The following NTRK3 variants were observed in gnomAD, a reference collection of about 807,000 sequenced individuals.
The protein encoded by NTRK3 is NT-3 growth factor receptor.
NTRK3 carries 24 observed loss-of-function variants against 91.7 expected under a neutral mutation model. The ratio of observed to expected loss-of-function variants is 0.26; its 90% CI spans 0.19 to 0.37. The LOEUF (loss-of-function observed/expected upper bound fraction) is 0.37, where lower values mean the gene tolerates loss of function less well. Among genes scored for constraint, NTRK3 ranks in the 10% least tolerant of loss-of-function variants. The probability of loss-of-function intolerance (pLI) is 1.00; values close to 1 mark genes in which losing one functional copy is unlikely to be tolerated. For missense variants in NTRK3, 880 were observed against 1,068.9 expected (o/e 0.82, Z 2.46); for synonymous variants, 483 against 404.0 (o/e 1.20, Z -2.34).
chr15:87,864,744 CCAGCAAAAATTTAAGGAAGATATGCCT>C (rs1302837493), exon 19 of NTRK3: 3 of 229,544 alleles, frequency 1.3e-5, no homozygotes, highest in Non-Finnish European at 1.7e-5. Context: ...AAAACAGACA[CCAGCAAAAATTTAAGGAAGATATGCCT>C]CAAAACACGT....
intron 3 of NTRK3, among the ~76,000 whole-genome samples, chr15:88,212,700 T>TCACACACACACACA (rs60620542): frequency 6.8e-5 from 10 of 146,116 alleles, no homozygotes; most frequent in African/African-American, 2.1e-4. Context: ...GGCTGCTGCA[T>TCACACACACACACA]CACACACACA....
At chr15:88,124,292 G>C (rs1359817060) in intron 13 of NTRK3, among the ~76,000 whole-genome samples, 1 of 152,180 alleles carries the variant, frequency 6.6e-6, no homozygotes, top group African/African-American at 2.4e-5. Context: ...CCAGGGCCAA[G>C]AAAGGAAGGT....
In NTRK3 at chr15:88,243,739, T is replaced by C. The variant is rs2052581420; in HGVS notation, c.248+12167A>G. 6.6e-6 allele frequency among the ~76,000 whole-genome samples: 1 copy of C among 152,096 alleles called. No individual in the cohort carries two copies. The highest frequency in any genetic ancestry group is 1.5e-5 in the Non-Finnish European group (1 of 68,034). On this transcript the variant is annotated intron_variant, in intron 3 of 18. Transcript: ENST00000394480. This position sits in a 1 kb window ranked among gnomAD's most constrained non-coding sequence, Gnocchi z 4.8. ...ACCAGATAGACTGTATGAAAGCATG[T>C]CAAAAAGAGTGGTGCCCCAGGAAAA...
intron 15 of NTRK3, among the ~76,000 whole-genome samples, chr15:87,933,560 C>T (rs2068995672): frequency 6.6e-6 from 1 of 152,240 alleles, no homozygotes; most frequent in Non-Finnish European, 1.5e-5. Context: ...AACTGTCCCA[C>T]AGCTGGAATA....
At chr15:88,066,297 A>G (rs776865534) in intron 13 of NTRK3, among the ~76,000 whole-genome samples, 5 of 152,176 alleles carry the variant, frequency 3.3e-5, no homozygotes, top group Non-Finnish European at 7.3e-5. Flanking sequence ...ATGACAGTAG[A>G]TATCTCTCCC....
At chr15:88,140,579 C>A (rs1312993092) in intron 6 of NTRK3, among the ~76,000 whole-genome samples, 1 of 152,170 alleles carries the variant, frequency 6.6e-6, no homozygotes, top group Admixed American at 6.5e-5. Flanking sequence ...TCAGTATCTA[C>A]CAATTAGAAA....
intron 14 of NTRK3, among the ~76,000 whole-genome samples, chr15:87,956,763 G>C (rs1015464722): frequency 1.3e-5 from 2 of 150,474 alleles, no homozygotes; most frequent in African/African-American, 4.9e-5. Context: ...GTAGAGATGG[G>C]GTTTCGCCAT....
intron 14 of NTRK3, among the ~76,000 whole-genome samples, chr15:87,990,367 C>G (rs2075191853): frequency 6.6e-6 from 1 of 152,218 alleles, no homozygotes; most frequent in Non-Finnish European, 1.5e-5. Context: ...CCCTCCAGAG[C>G]TAAATTCCTG....
intron 11 of NTRK3, among the ~76,000 whole-genome samples, chr15:88,127,600 G>A (rs930535460): frequency 6.6e-6 from 1 of 152,222 alleles, no homozygotes; most frequent in East Asian, 1.9e-4. Context: ...TTAGGCAAAT[G>A]TTACTGGTGG....
At chr15:88,065,250 C>A (rs1251886991) in intron 13 of NTRK3, among the ~76,000 whole-genome samples, 4 of 152,200 alleles carry the variant, frequency 2.6e-5, no homozygotes, top group Admixed American at 1.3e-4. Context: ...GTCCTACCCA[C>A]CACCAGGAGC....
intron 17 of NTRK3, among the ~76,000 whole-genome samples, chr15:87,904,413 C>T (rs1039308132): frequency 6.6e-6 from 1 of 152,166 alleles, no homozygotes; most frequent in African/African-American, 2.4e-5. Flanking sequence ...GCCTCGGCCT[C>T]CCAAAGTGCT....
chr15:87,881,369 G>A (rs1325093811), intron 17 of NTRK3, among the ~76,000 whole-genome samples: 3 of 152,100 alleles, frequency 2.0e-5, no homozygotes, highest in Non-Finnish European at 4.4e-5. Context: ...ATTTATGTCC[G>A]GATGAGGTAT....
At chr15:87,923,054 C>T (rs2068005943) in intron 17 of NTRK3, among the ~76,000 whole-genome samples, 1 of 152,188 alleles carries the variant, frequency 6.6e-6, no homozygotes, top group African/African-American at 2.4e-5. Context: ...TCTCCACATT[C>T]AGAGTAGCAA....
chr15:87,928,819 G>C (rs1334832199), intron 17 of NTRK3: 3 of 410,912 alleles, frequency 7.3e-6, no homozygotes. Flanking sequence ...GACTGGGTAG[G>C]GAGACATTAA....
rs1439312228 is a variant in NTRK3 at position 88,233,360 on chromosome 15, A to T, written c.248+22546T>A. 6.6e-6 allele frequency among the ~76,000 whole-genome samples: 1 copy of T among 152,134 alleles called. No individual in the cohort carries two copies. Among genetic ancestry groups the T allele is most frequent in the Non-Finnish European group, 1.5e-5 (1 of 68,020 alleles). On this transcript the variant is annotated intron_variant, in intron 3 of 18. Transcript: ENST00000394480. The surrounding 1 kb of genome is among the most constrained non-coding windows in gnomAD (Gnocchi z 4.2). ...TGCAGTGGTGGCTGGGGGTCTTATTATCTGTCCATATCCTTCCCTCCCTGT... is the reference window on the plus strand; with the variant it reads ...TGCAGTGGTGGCTGGGGGTCTTATTTTCTGTCCATATCCTTCCCTCCCTGT...
intron 17 of NTRK3, chr15:87,916,481 T>C (rs1596237001): frequency 1.4e-6 from 1 of 701,818 alleles, no homozygotes; most frequent in Non-Finnish European, 2.6e-6. Context: ...AATATAAGCA[T>C]GCTTCAACGT....
chr15:88,236,119 C>G (rs2051704305), intron 3 of NTRK3, among the ~76,000 whole-genome samples: 1 of 152,122 alleles, frequency 6.6e-6, no homozygotes, highest in Non-Finnish European at 1.5e-5. Context: ...AAATGAAAGC[C>G]TACGTTCACA....
chr15:87,924,730 G>A (rs189275642), intron 17 of NTRK3, among the ~76,000 whole-genome samples: 82 of 152,266 alleles, frequency 5.4e-4, no homozygotes, highest in African/African-American at 1.8e-3. Context: ...GGTCTGGAAT[G>A]ACCTATTTCC....
At chr15:87,975,761 G>A (rs550219420) in intron 14 of NTRK3, among the ~76,000 whole-genome samples, 118 of 152,070 alleles carry the variant, frequency 7.8e-4, no homozygotes, top group Admixed American at 1.2e-3. Context: ...CCCCATAGTC[G>A]TCCATAGTCT....
Sources: gnomAD v4.1 joint callset for allele counts (sites outside exome capture counted in the v4.1 genomes callset) on GRCh38, gnomAD v4.1.1 for gene constraint, Gnocchi (gnomAD v3.1) non-coding constraint, MANE v1.5 for transcripts, NCBI Gene and HGNC (gene_info 2026-07-23, HGNC 2026-07-21) for gene names.